The following PHLPP2 variants were observed in gnomAD, a reference collection of about 807,000 sequenced individuals.
PHLPP2 encodes the protein PH domain and leucine rich repeat protein phosphatase 2, also known as PH domain leucine-rich repeat-containing protein phosphatase 2.
A neutral mutation model predicts 124.9 loss-of-function variants in PHLPP2; 66 were observed. That is an observed-to-expected ratio of 0.53 (90% confidence interval 0.43 to 0.65). The LOEUF is 0.65. PHLPP2 is among the 30% of genes least tolerant of loss of function. The pLI, the probability that PHLPP2 is intolerant of heterozygous loss-of-function variation, is 0.00. For synonymous variants in PHLPP2, 681 were observed against 624.7 expected (o/e 1.09, Z -1.34); for missense variants, 1,685 against 1,600.4 (o/e 1.05, Z -0.90).
In PHLPP2 at chr16:71,669,349, A is replaced by G. The variant is rs11075896; in HGVS notation, c.1554T>C (p.Pro518=). The G allele has an allele frequency of 7.1e-3, 11,384 of 1,611,550 alleles. 723 individuals are homozygous for G. In the African/African-American group the frequency reaches 0.13, roughly 19 times the overall value. The change falls in exon 11 of 19, where the codon CCT becomes CCC. Residue 518 remains proline, a synonymous_variant. Transcript: ENST00000568954. Reference sequence around the variant, plus strand: ...TCTTCTTTGCTTCACAGGCCCAGTCAGGGACACACTCTAGCAGGTTTCTGC... The same window carrying G: ...TCTTCTTTGCTTCACAGGCCCAGTCGGGGACACACTCTAGCAGGTTTCTGC... ...DLSRNLLECV[P]DWACEAKKIE...
chr16:71,683,167 T>A (rs182995471), intron 5 of PHLPP2, among the ~76,000 whole-genome samples: 61 of 149,262 alleles, frequency 4.1e-4, no homozygotes, highest in African/African-American at 1.4e-3. Flanking sequence ...AGACTCTGTC[T>A]CCAAAAAAAA....
At chr16:71,719,306 G>A (rs553393110) in intron 1 of PHLPP2, among the ~76,000 whole-genome samples, 17 of 152,156 alleles carry the variant, frequency 1.1e-4, no homozygotes, top group African/African-American at 2.6e-4. Flanking sequence ...AGGCTGAGGC[G>A]GGCAGGATCA....
At chr16:71,682,822 CTAATA>C (rs781483305) in intron 5 of PHLPP2, among the ~76,000 whole-genome samples, 6 of 152,006 alleles carry the variant, frequency 3.9e-5, no homozygotes, top group Non-Finnish European at 7.4e-5. Flanking sequence ...TAATAGTATG[CTAATA>C]TAATATGGGT....
At chr16:71,692,678 T>C (rs911260019) in intron 3 of PHLPP2, among the ~76,000 whole-genome samples, 1 of 152,192 alleles carries the variant, frequency 6.6e-6, no homozygotes, top group Admixed American at 6.5e-5. Context: ...CCACAGATGC[T>C]ATAGTCTCTT....
At chr16:71,670,165 A>G (rs1217454691) in intron 10 of PHLPP2, among the ~76,000 whole-genome samples, 1 of 152,240 alleles carries the variant, frequency 6.6e-6, no homozygotes, top group Admixed American at 6.5e-5. Flanking sequence ...GAGGCAAGAG[A>G]AGAAACATAT....
intron 12 of PHLPP2, 176 bp from the exon 13 acceptor site, chr16:71,664,275 T>C (rs1186621028): frequency 5.0e-6 from 3 of 605,346 alleles, no homozygotes; most frequent in Admixed American, 2.9e-5. Context: ...CAAAGTTCCT[T>C]TTACTCAACT....
chr16:71,653,685 A>G (rs945673743), intron 17 of PHLPP2, among the ~76,000 whole-genome samples: 1 of 152,226 alleles, frequency 6.6e-6, no homozygotes, highest in East Asian at 1.9e-4. Flanking sequence ...TTTCTCTGAT[A>G]AAATATATAG....
Position 71,679,243 on chromosome 16 carries a change from T to G in PHLPP2, c.1037+146A>C, listed in dbSNP as rs150706897. ...TCACTGCTATGGGCAGGTATATCTC[T>G]GAGGTCAAAAACTGCTGCTGACTAG... On this transcript the variant is annotated intron_variant, in intron 7 of 18. Coordinates refer to ENST00000568954, the MANE Select transcript of PHLPP2 (RefSeq NM_015020.3). 3.0e-3 allele frequency: 2,183 copies of G among 722,006 alleles called. 4 individuals are homozygous for G. Among genetic ancestry groups the G allele is most frequent in the Non-Finnish European group, 3.6e-3 (1,553 of 433,488 alleles). 44.7% of individuals were successfully genotyped at this position (722,006 alleles called of 1,614,324 possible).
At chr16:71,722,303 G>A (rs778254430) in intron 1 of PHLPP2, among the ~76,000 whole-genome samples, 2 of 152,042 alleles carry the variant, frequency 1.3e-5, no homozygotes, top group Admixed American at 6.6e-5. Flanking sequence ...GTGTGGTGGC[G>A]GGTGCCCGTG....
At position 71,675,262 on chromosome 16, in the gene PHLPP2, G is replaced by T. The variant is rs189580801; in HGVS notation, c.1471+1185C>A. 7.2e-5 allele frequency among the ~76,000 whole-genome samples: 11 copies of T among 152,226 alleles called. No homozygotes were observed. In the East Asian group the frequency reaches 2.1e-3, roughly 29 times the overall value. The stretch of plus-strand genomic sequence containing the variant: ...AATTACCTTTTTTTAAATGTGATGA[G>T]TATAAAATGTTATTATTTACATTTG... On this transcript the variant is annotated intron_variant, in intron 9 of 18. Transcript: ENST00000568954.
At chr16:71,712,917 GA>G (rs1273790629) in intron 2 of PHLPP2, among the ~76,000 whole-genome samples, 19 of 152,160 alleles carry the variant, frequency 1.2e-4, no homozygotes, top group Non-Finnish European at 2.5e-4. Context: ...AGGAAATGCA[GA>G]AAGGAGAAAA....
intron 1 of PHLPP2, among the ~76,000 whole-genome samples, chr16:71,715,832 AAAAAAAAC>A (rs2045359029): frequency 6.6e-6 from 1 of 150,624 alleles, no homozygotes; most frequent in African/African-American, 2.5e-5. Flanking sequence ...ACAAAAAAAA[AAAAAAAAC>A]AAAAAATTAG....
At chr16:71,712,399 A>T (rs2045330016) in intron 2 of PHLPP2, among the ~76,000 whole-genome samples, 1 of 152,242 alleles carries the variant, frequency 6.6e-6, no homozygotes, top group Non-Finnish European at 1.5e-5. Context: ...TCACATTCGG[A>T]TTCTTAACTA....
At chr16:71,690,745 A>T in intron 3 of PHLPP2, 36 bp from the exon 4 acceptor site, 1 of 1,387,268 alleles carries the variant, frequency 7.2e-7, no homozygotes, top group South Asian at 1.2e-5. Flanking sequence ...TCCACCATTA[A>T]AGTAGTGTAA....
chr16:71,679,482 G>A lies in PHLPP2; in HGVS notation c.944C>T (p.Pro315Leu). The change falls in exon 7 of 19, where the codon CCT becomes CTT. Residue 315 changes from proline (P) to leucine (L), a missense_variant. Coordinates refer to ENST00000568954, the MANE Select transcript of PHLPP2 (RefSeq NM_015020.3). ...NLSHNKLGLF[P>L]ILLCEISTLT... ...GGTAGAGATCTCGCATAACAATATA[G>A]GAAACAACCCAAGTTTATTATGGGA... 6.2e-7 allele frequency: 1 copy of A among 1,613,604 alleles called. No individual in the cohort carries two copies. The highest frequency in any genetic ancestry group is 2.2e-5 in the East Asian group (1 of 44,858).
intron 12 of PHLPP2, among the ~76,000 whole-genome samples, chr16:71,664,674 CCCAGGAGGCTGAGGTTGCAGTGAG>C (rs2044823110): frequency 6.6e-6 from 1 of 152,154 alleles, no homozygotes. Context: ...ATTGCTTGAA[CCCAGGAGGCTGAGGTTGCAGTGAG>C]CCGAGATCGT....
In PHLPP2 at chr16:71,645,819, ACT is replaced by A. The variant is rs1216671331; in HGVS notation, c.*3069_*3070del. 2.0e-5 allele frequency: 3 copies of A among 152,844 alleles called. No individual in the cohort carries two copies. In the East Asian group the frequency reaches 5.8e-4, roughly 30 times the overall value. The allele number at this position is 152,844 out of a possible 1,614,324, so 9.5% of individuals were successfully genotyped here. On this transcript the variant is annotated 3_prime_UTR_variant, in exon 19 of 19. Coordinates refer to ENST00000568954, the MANE Select transcript of PHLPP2 (RefSeq NM_015020.3). Reference sequence around the variant, plus strand: ...TCAGGAGTGGTAATTCAATGACTTGACTCTATAGTGCACTGCAGCTTTATGTC... The same window carrying A: ...TCAGGAGTGGTAATTCAATGACTTGACTATAGTGCACTGCAGCTTTATGTC...
intron 6 of PHLPP2, 42 bp from the exon 7 acceptor site, chr16:71,679,577 T>C (rs2044978183): frequency 2.6e-6 from 4 of 1,531,876 alleles, no homozygotes; most frequent in East Asian, 2.2e-5. Context: ...TTTCAATACA[T>C]CTATTACTGT....
chr16:71,709,608 G>A (rs2045310547), intron 2 of PHLPP2, among the ~76,000 whole-genome samples: 1 of 152,102 alleles, frequency 6.6e-6, no homozygotes, highest in Admixed American at 6.6e-5. Flanking sequence ...TTTATCACTC[G>A]AAACAGTTCA....
Sources: gnomAD v4.1 joint callset for allele counts (sites outside exome capture counted in the v4.1 genomes callset) on GRCh38, gnomAD v4.1.1 for gene constraint, MANE v1.5 for transcripts, NCBI Gene and HGNC (gene_info 2026-07-23, HGNC 2026-07-21) for gene names.